Variants in SKAP2 observed in about 807,000 individuals in gnomAD.
The protein encoded by SKAP2 is src kinase associated phosphoprotein 2.
SKAP2 carries 28 observed loss-of-function variants against 54.9 expected under a neutral mutation model. The observed-to-expected ratio is 0.51, with a 90% CI of 0.38 to 0.70. SKAP2 has a LOEUF of 0.70. Among genes scored for constraint, SKAP2 ranks in the 30% least tolerant of loss-of-function variants. The pLI is 0.00. For missense variants in SKAP2, 356 were observed against 424.1 expected, an observed-to-expected ratio of 0.84 and a Z score of 1.41; for synonymous variants, 137 against 134.3, an observed-to-expected ratio of 1.02 and a Z score of -0.14.
Position 26,690,372 on chromosome 7 carries a change from A to C in SKAP2, c.797-10T>G, listed in dbSNP as rs774604597. The C allele has an allele frequency of 1.3e-6, 2 of 1,584,596 alleles. No homozygotes were observed. Among genetic ancestry groups the C allele is most frequent in the African/African-American group, 2.7e-5 (2 of 74,350 alleles). ...CTGTCCTCTTCTTCTTCTGTAAATA[A>C]ACATTATCAATGGCACATTGAAGGG... is the stretch of plus-strand genomic sequence containing the variant. On this transcript the variant is annotated splice_polypyrimidine_tract_variant and intron_variant, in intron 9 of 12. Transcript: ENST00000345317.
In SKAP2 at chr7:26,684,588, ATAAT is replaced by A. The variant is rs1278469847; in HGVS notation, c.987+144_987+147del. 8.5e-6 allele frequency: 5 copies of A among 588,744 alleles called. No individual in the cohort carries two copies. In the Admixed American group the frequency reaches 9.7e-5, roughly 11 times the overall value. The allele number at this position is 588,744 out of a possible 1,614,324, so 36.5% of individuals were successfully genotyped here. On this transcript the variant is annotated intron_variant, in intron 11 of 12. Coordinates refer to ENST00000345317, the MANE Select transcript of SKAP2 (RefSeq NM_003930.5). ...ATTTGATTACATTTCACTTGACAAA[ATAAT>A]TAATTATTGTGAACTCCCAATTGTT...
chr7:26,715,419 G>A (rs887673356), intron 9 of SKAP2, among the ~76,000 whole-genome samples: 1 of 150,536 alleles, frequency 6.6e-6, no homozygotes, highest in East Asian at 1.9e-4. Context: ...TGTAAATAAT[G>A]TTGATTTTAT....
chr7:26,850,602 A>G (rs749851175), intron 3 of SKAP2, among the ~76,000 whole-genome samples: 3 of 152,036 alleles, frequency 2.0e-5, no homozygotes, highest in Admixed American at 6.5e-5. Context: ...AAAAGAAAAA[A>G]AAAGGAAAAA....
At chr7:26,786,838 GT>G (rs1367700086) in intron 4 of SKAP2, among the ~76,000 whole-genome samples, 4 of 151,584 alleles carry the variant, frequency 2.6e-5, no homozygotes, top group African/African-American at 4.8e-5. Flanking sequence ...AAATTGCCCA[GT>G]TTTTTTTAAG....
intron 3 of SKAP2, among the ~76,000 whole-genome samples, chr7:26,850,259 C>A (rs1166145086): frequency 6.6e-6 from 1 of 152,006 alleles, no homozygotes; most frequent in African/African-American, 2.4e-5. Flanking sequence ...GGCAATATTG[C>A]AAGTAAAAAT....
chr7:26,748,026 G>A (rs1172998208), intron 4 of SKAP2, among the ~76,000 whole-genome samples: 1 of 152,078 alleles, frequency 6.6e-6, no homozygotes, highest in Non-Finnish European at 1.5e-5. Flanking sequence ...ATGACACGGA[G>A]TCCAATTATC....
chr7:26,856,947 G>C (rs1472563034), intron 1 of SKAP2, among the ~76,000 whole-genome samples: 1 of 148,194 alleles, frequency 6.7e-6, no homozygotes, highest in Non-Finnish European at 1.5e-5. Flanking sequence ...TCTTTAAAAG[G>C]TCATTTCAGT....
chr7:26,758,771 T>C (rs1782860241), intron 4 of SKAP2, among the ~76,000 whole-genome samples: 1 of 152,208 alleles, frequency 6.6e-6, no homozygotes, highest in African/African-American at 2.4e-5. Flanking sequence ...TTTAGAGTAA[T>C]AAAAAGTTAC....
chr7:26,665,426 CT>C (rs988969332), downstream of SKAP2, among the ~76,000 whole-genome samples: 1 of 152,120 alleles, frequency 6.6e-6, no homozygotes, highest in African/African-American at 2.4e-5. Flanking sequence ...GATATACTAA[CT>C]GTATAAAGGC....
intron 11 of SKAP2, among the ~76,000 whole-genome samples, chr7:26,679,719 C>T (rs554496996): frequency 3.9e-5 from 6 of 152,312 alleles, no homozygotes; most frequent in African/African-American, 1.4e-4. Context: ...TTATTTCCCT[C>T]TGCCAATAAA....
intron 4 of SKAP2, among the ~76,000 whole-genome samples, chr7:26,815,473 A>G (rs1030695233): frequency 3.3e-5 from 5 of 152,198 alleles, no homozygotes; most frequent in Admixed American, 6.5e-5. Flanking sequence ...ATCAATAATT[A>G]GTTTTAAAAG....
At chr7:26,727,265 T>C (rs1161731660) in intron 6 of SKAP2, among the ~76,000 whole-genome samples, 1 of 151,996 alleles carries the variant, frequency 6.6e-6, no homozygotes, top group Non-Finnish European at 1.5e-5. Flanking sequence ...CACTCTAGGG[T>C]AGGGAAAATT....
intron 11 of SKAP2, among the ~76,000 whole-genome samples, chr7:26,677,474 C>A (rs775417668): frequency 6.6e-5 from 10 of 151,772 alleles, no homozygotes; most frequent in Non-Finnish European, 1.5e-4. Flanking sequence ...ATCAATATAG[C>A]CATCCACCCC....
intron 11 of SKAP2, among the ~76,000 whole-genome samples, chr7:26,681,026 A>G: frequency 6.6e-6 from 1 of 152,246 alleles, no homozygotes; most frequent in East Asian, 1.9e-4. Flanking sequence ...ACATTCCATC[A>G]AGGCTTTCTT....
At chr7:26,662,455 A>G (rs1786028230), downstream of SKAP2, among the ~76,000 whole-genome samples, 1 of 152,094 alleles carries the variant, frequency 6.6e-6, no homozygotes, top group African/African-American at 2.4e-5. Flanking sequence ...ACCTGCTAAG[A>G]ACTGTACCAA....
intron 4 of SKAP2, among the ~76,000 whole-genome samples, chr7:26,819,966 T>C (rs1261116957): frequency 1.3e-5 from 2 of 152,186 alleles, no homozygotes; most frequent in East Asian, 1.9e-4. Flanking sequence ...ATATTCTATG[T>C]CTGTATGTTT....
intron 3 of SKAP2, among the ~76,000 whole-genome samples, chr7:26,845,616 T>C (rs1784904764): frequency 6.6e-6 from 1 of 152,208 alleles, no homozygotes; most frequent in Non-Finnish European, 1.5e-5. Context: ...CAATGATCCC[T>C]TACAATATTT....
chr7:26,724,434 A>T (rs1412253201), intron 9 of SKAP2, among the ~76,000 whole-genome samples: 1 of 151,992 alleles, frequency 6.6e-6, no homozygotes, highest in East Asian at 1.9e-4. Flanking sequence ...CAGAATTTAA[A>T]TTTTTTTCTT....
chr7:26,689,488 T>C (rs887785739), intron 10 of SKAP2, among the ~76,000 whole-genome samples: 4 of 152,208 alleles, frequency 2.6e-5, no homozygotes, highest in Non-Finnish European at 5.9e-5. Flanking sequence ...ACAGAGTGTG[T>C]GCAATTATTT....
Sources: allele counts gnomAD v4.1 joint callset (sites outside exome capture counted in the v4.1 genomes callset), GRCh38; gene constraint gnomAD v4.1.1; transcripts MANE v1.5; gene names NCBI Gene and HGNC (gene_info 2026-07-23, HGNC 2026-07-21).